CADM2: variants seen among roughly 807,000 people sequenced by gnomAD.
The protein encoded by CADM2 is immunoglobulin superfamily member 4D.
A neutral mutation model predicts 49.8 loss-of-function variants in CADM2; 12 were observed. The observed-to-expected ratio is 0.24, with a 90% CI of 0.15 to 0.39. CADM2 has a LOEUF of 0.39. Among genes scored for constraint, CADM2 ranks in the 10% least tolerant of loss-of-function variants. CADM2 has a pLI of 1.00. For missense variants in CADM2, 378 were observed against 492.3 expected, an observed-to-expected ratio of 0.77 and a Z score of 2.20; for synonymous variants, 214 against 175.4, an observed-to-expected ratio of 1.22 and a Z score of -1.74.
chr3:85,167,937 C>G (rs1254871383), intron 1 of CADM2, among the ~76,000 whole-genome samples: 3 of 152,074 alleles, frequency 2.0e-5, no homozygotes, highest in Admixed American at 2.0e-4. Context: ...CTCCACATTG[C>G]CCCAAATAAC....
At chr3:85,246,801 T>G (rs2042659472) in intron 1 of CADM2, among the ~76,000 whole-genome samples, 1 of 152,116 alleles carries the variant, frequency 6.6e-6, no homozygotes. Context: ...GAAAAATAAC[T>G]TTCTGCCAAA....
intron 1 of CADM2, among the ~76,000 whole-genome samples, chr3:85,512,417 T>A (rs1350030624): frequency 1.3e-5 from 2 of 152,074 alleles, no homozygotes; most frequent in Non-Finnish European, 2.9e-5. Flanking sequence ...CAATAGACCG[T>A]TGATTTCATG....
At chr3:85,610,272 T>C (rs1456276789) in intron 1 of CADM2, among the ~76,000 whole-genome samples, 1 of 151,996 alleles carries the variant, frequency 6.6e-6, no homozygotes, top group East Asian at 1.9e-4. Context: ...ATGTAACTAT[T>C]TGAATTCAAA....
intron 1 of CADM2, among the ~76,000 whole-genome samples, chr3:85,425,430 T>A (rs2036355817): frequency 6.6e-6 from 1 of 152,232 alleles, no homozygotes; most frequent in Non-Finnish European, 1.5e-5. Context: ...CATACATTTA[T>A]ACAATGGGTA....
At chr3:85,701,971 C>CATAGATAGATAG (rs57418964) in intron 1 of CADM2, among the ~76,000 whole-genome samples, 10 of 134,232 alleles carry the variant, frequency 7.4e-5, no homozygotes, top group South Asian at 2.3e-4. Flanking sequence ...GATAGATAGA[C>CATAGATAGATAG]ATAGATAGAT....
intron 1 of CADM2, among the ~76,000 whole-genome samples, chr3:85,693,276 G>GGAAT (rs774161053): frequency 1.3e-5 from 2 of 149,722 alleles, no homozygotes; most frequent in African/African-American, 2.5e-5. Flanking sequence ...AAGGAAGGAA[G>GGAAT]GAATGAAGAA....
chr3:85,836,597 G>C (rs2074420608), intron 3 of CADM2, among the ~76,000 whole-genome samples: 1 of 151,462 alleles, frequency 6.6e-6, no homozygotes, highest in South Asian at 2.1e-4. Context: ...GATGTGTGTG[G>C]CATAAAGGAT....
chr3:85,632,497 C>A (rs1310728001), intron 1 of CADM2, among the ~76,000 whole-genome samples: 1 of 152,000 alleles, frequency 6.6e-6, no homozygotes, highest in Non-Finnish European at 1.5e-5. Flanking sequence ...AGGGAAGAGC[C>A]TTTTGTTGGC....
At chr3:85,895,657 T>C (rs1204068657) in intron 5 of CADM2, among the ~76,000 whole-genome samples, 1 of 152,192 alleles carries the variant, frequency 6.6e-6, no homozygotes, top group Non-Finnish European at 1.5e-5. Flanking sequence ...TCAGGTGTTA[T>C]GGGAGGGACC....
chr3:85,242,948 A>G (rs2042564090), intron 1 of CADM2, among the ~76,000 whole-genome samples: 1 of 151,808 alleles, frequency 6.6e-6, no homozygotes, highest in Non-Finnish European at 1.5e-5. Context: ...CTCAAAAATT[A>G]TATTTTAAAT....
At chr3:85,119,040 C>T (rs1420052748) in intron 1 of CADM2, among the ~76,000 whole-genome samples, 1 of 152,186 alleles carries the variant, frequency 6.6e-6, no homozygotes, top group Non-Finnish European at 1.5e-5. Flanking sequence ...TGAGCCACCA[C>T]ACCCAGCCTG....
At chr3:86,026,728 G>C (rs771630551) in intron 8 of CADM2, among the ~76,000 whole-genome samples, 1 of 152,156 alleles carries the variant, frequency 6.6e-6, no homozygotes, top group Non-Finnish European at 1.5e-5. Flanking sequence ...GAGAATTATA[G>C]CACGTAACCA....
At chr3:85,063,455 T>C (rs2036411277) in intron 1 of CADM2, among the ~76,000 whole-genome samples, 1 of 152,020 alleles carries the variant, frequency 6.6e-6, no homozygotes, top group Non-Finnish European at 1.5e-5. Flanking sequence ...TGCCATGTAC[T>C]AAATGTCATA....
chr3:85,685,890 C>G (rs2066197622), intron 1 of CADM2, among the ~76,000 whole-genome samples: 1 of 151,322 alleles, frequency 6.6e-6, no homozygotes, highest in Admixed American at 6.6e-5. Flanking sequence ...TCCCAAAGTG[C>G]TGGGATTACA....
chr3:85,084,090 A>G (rs1388029212), intron 1 of CADM2, among the ~76,000 whole-genome samples: 1 of 152,150 alleles, frequency 6.6e-6, no homozygotes, highest in African/African-American at 2.4e-5. Context: ...TGTGAAAGGC[A>G]TCGCTCCTTC....
chr3:85,512,298 TA>T (rs1481805449), intron 1 of CADM2, among the ~76,000 whole-genome samples: 1 of 152,118 alleles, frequency 6.6e-6, no homozygotes, highest in East Asian at 1.9e-4. Context: ...TTAATTCACT[TA>T]GGAGAATGGC....
intron 5 of CADM2, among the ~76,000 whole-genome samples, chr3:85,904,190 G>C (rs1314343714): frequency 6.6e-6 from 1 of 152,040 alleles, no homozygotes; most frequent in Non-Finnish European, 1.5e-5. Context: ...GGTAGCTTCC[G>C]GTCTTCTTGC....
At chr3:85,823,766 A>T (rs2073742894) in intron 3 of CADM2, among the ~76,000 whole-genome samples, 2 of 152,134 alleles carry the variant, frequency 1.3e-5, no homozygotes, top group Non-Finnish European at 2.9e-5. Context: ...TGAACTGAAA[A>T]AGTGGATGAC....
intron 1 of CADM2, among the ~76,000 whole-genome samples, chr3:85,262,454 G>GT (rs889879742): frequency 7.2e-5 from 11 of 151,930 alleles, no homozygotes; most frequent in Non-Finnish European, 1.5e-4. Flanking sequence ...TAATAGTCCA[G>GT]TTTTTTATTT....
Sources: gnomAD v4.1 joint callset for allele counts (sites outside exome capture counted in the v4.1 genomes callset) on GRCh38, gnomAD v4.1.1 for gene constraint, MANE v1.5 for transcripts, NCBI Gene and HGNC (gene_info 2026-07-23, HGNC 2026-07-21) for gene names.